The following VWC2L variants were observed in gnomAD, a reference collection of about 807,000 sequenced individuals.
The protein encoded by VWC2L is von Willebrand factor C domain-containing protein 2-like.
VWC2L carries 10 observed loss-of-function variants against 21.6 expected under a neutral mutation model. The ratio of observed to expected loss-of-function variants is 0.46; its 90% CI spans 0.29 to 0.78. VWC2L has a LOEUF of 0.78. VWC2L is among the 30% of genes least tolerant of loss of function. The pLI, the probability that VWC2L is intolerant of heterozygous loss-of-function variation, is 0.10. For missense variants in VWC2L, 209 were observed against 277.1 expected (o/e 0.75, Z 1.74); for synonymous variants, 96 against 94.3 (o/e 1.02, Z -0.10).
chr2:214,444,158 A>G lies in VWC2L; in HGVS notation c.520+7400A>G, dbSNP rs74811705. On this transcript the variant is annotated intron_variant, in intron 3 of 3. Coordinates refer to ENST00000312504, the MANE Select transcript of VWC2L (RefSeq NM_001080500.4). Reference sequence around the variant, plus strand: ...ACTACATATGAAAATTTGGTATGCAATGAAGTTGTACTTCAAATCAATGGG... The same window carrying G: ...ACTACATATGAAAATTTGGTATGCAGTGAAGTTGTACTTCAAATCAATGGG... 2.8e-3 allele frequency among the ~76,000 whole-genome samples: 426 copies of G among 152,242 alleles called. 2 individuals carry two copies. The highest frequency in any genetic ancestry group is 9.8e-3 in the African/African-American group (407 of 41,584).
intron 3 of VWC2L, among the ~76,000 whole-genome samples, chr2:214,502,575 C>CA (rs1375778985): frequency 1.6e-5 from 2 of 127,316 alleles, no homozygotes; most frequent in East Asian, 4.2e-4. Context: ...ACGTCAAAAA[C>CA]AAACAAAAAA....
chr2:214,428,954 G>A (rs555288495), intron 2 of VWC2L, among the ~76,000 whole-genome samples: 16 of 152,132 alleles, frequency 1.1e-4, no homozygotes, highest in African/African-American at 3.6e-4. Flanking sequence ...ATCCACACAC[G>A]TTTAGCAGGC....
intron 3 of VWC2L, among the ~76,000 whole-genome samples, chr2:214,452,574 C>T (rs1316712585): frequency 6.6e-6 from 1 of 151,964 alleles, no homozygotes; most frequent in African/African-American, 2.4e-5. Context: ...TAAACAGAAG[C>T]CTTCGTATGG....
rs758357273 is a variant in VWC2L at position 214,575,721 on chromosome 2, G to C, written c.570G>C (p.Val190=). Residue 190 remains valine (V), a synonymous_variant, in exon 4 of 4, where the codon GTG becomes GTC. Transcript: ENST00000312504. Reference sequence around the variant, plus strand: ...CGATAATTCCAGCTGGCATTGAAGTGAAAGTGGACGAATGTAACATCTGTC... The same window carrying C: ...CGATAATTCCAGCTGGCATTGAAGTCAAAGTGGACGAATGTAACATCTGTC... The part of the protein sequence containing the change: ...GTTIIPAGIE[V]KVDECNICHC... 3 of 1,613,404 alleles carry C rather than the reference G, an allele frequency of 1.9e-6. No individual in the cohort carries two copies. Among genetic ancestry groups the C allele is most frequent in the Non-Finnish European group, 2.5e-6 (3 of 1,179,526 alleles).
At chr2:214,544,224 T>C (rs187011326) in intron 3 of VWC2L, among the ~76,000 whole-genome samples, 4 of 152,252 alleles carry the variant, frequency 2.6e-5, no homozygotes, top group Admixed American at 2.0e-4. Context: ...TTCCTAGCAT[T>C]CTGAATTCTC....
At chr2:214,572,635 A>G (rs556312472) in intron 3 of VWC2L, among the ~76,000 whole-genome samples, 1 of 152,328 alleles carries the variant, frequency 6.6e-6, no homozygotes, top group African/African-American at 2.4e-5. Context: ...CACCACTATT[A>G]AGGAAGAAGG....
At chr2:214,479,847 A>T (rs1184255467) in intron 3 of VWC2L, among the ~76,000 whole-genome samples, 4 of 152,252 alleles carry the variant, frequency 2.6e-5, no homozygotes, top group South Asian at 4.1e-4. Flanking sequence ...ATCTAATAAG[A>T]TTGTATTAGT....
At chr2:214,432,610 G>A (rs935693992) in intron 2 of VWC2L, among the ~76,000 whole-genome samples, 7 of 152,032 alleles carry the variant, frequency 4.6e-5, no homozygotes, top group Non-Finnish European at 7.4e-5. Flanking sequence ...GATTTTAGTT[G>A]CCTAAACCAA....
At chr2:214,512,411 G>A (rs1262649925) in intron 3 of VWC2L, among the ~76,000 whole-genome samples, 1 of 152,106 alleles carries the variant, frequency 6.6e-6, no homozygotes. Flanking sequence ...TGGAGGGTGG[G>A]GAGTGGGAGG....
intron 3 of VWC2L, among the ~76,000 whole-genome samples, chr2:214,495,731 A>AT (rs1417394824): frequency 6.6e-6 from 1 of 152,090 alleles, no homozygotes. Context: ...TGAAAACACC[A>AT]TTTTTTCTAA....
At chr2:214,515,994 A>G (rs185336428) in intron 3 of VWC2L, among the ~76,000 whole-genome samples, 1 of 152,312 alleles carries the variant, frequency 6.6e-6, no homozygotes, top group East Asian at 1.9e-4. Context: ...CTAAGAATGA[A>G]TGAGAGCATC....
At chr2:214,514,298 A>C (rs979283050) in intron 3 of VWC2L, among the ~76,000 whole-genome samples, 1 of 152,120 alleles carries the variant, frequency 6.6e-6, no homozygotes, top group African/African-American at 2.4e-5. Context: ...GTGTAAAAGA[A>C]ACAGAAAAGC....
chr2:214,499,565 A>G (rs1489364210), intron 3 of VWC2L, among the ~76,000 whole-genome samples: 1 of 151,550 alleles, frequency 6.6e-6, no homozygotes, highest in Non-Finnish European at 1.5e-5. Context: ...TGATGAGTTA[A>G]TGGGTGCAGC....
intron 3 of VWC2L, among the ~76,000 whole-genome samples, chr2:214,555,350 A>G (rs1689858092): frequency 6.6e-6 from 1 of 152,190 alleles, no homozygotes; most frequent in South Asian, 2.1e-4. Context: ...GGCATATGTT[A>G]TCAGGACCTG....
intron 3 of VWC2L, among the ~76,000 whole-genome samples, chr2:214,532,948 C>A (rs935220333): frequency 2.2e-3 from 15 of 6,768 alleles, no homozygotes; most frequent in African/African-American, 3.7e-3. Context: ...GACAGGCTGA[C>A]TCCTGCATTT....
chr2:214,462,298 C>T (rs967142366), intron 3 of VWC2L, among the ~76,000 whole-genome samples: 23 of 152,188 alleles, frequency 1.5e-4, no homozygotes, highest in African/African-American at 5.1e-4. Context: ...GGAATGTGGG[C>T]CACTTGGGAT....
intron 3 of VWC2L, among the ~76,000 whole-genome samples, chr2:214,560,199 A>T (rs1467341257): frequency 6.6e-6 from 1 of 152,206 alleles, no homozygotes; most frequent in Non-Finnish European, 1.5e-5. Context: ...TACCAACGGC[A>T]TGTGTAATAA....
At chr2:214,561,809 T>TATATATATATATATATATATATATATAA (rs1489588765) in intron 3 of VWC2L, among the ~76,000 whole-genome samples, 1 of 127,246 alleles carries the variant, frequency 7.9e-6, no homozygotes, top group Admixed American at 7.4e-5. Context: ...TATATATATA[T>TATATATATATATATATATATATATATAA]ACACACACAT....
chr2:214,496,142 T>G (rs1306853387), intron 3 of VWC2L, among the ~76,000 whole-genome samples: 1 of 147,902 alleles, frequency 6.8e-6, no homozygotes, highest in Non-Finnish European at 1.5e-5. Context: ...CAAACCTGTA[T>G]AGTATAATAC....
Sources: gnomAD v4.1 joint callset for allele counts (sites outside exome capture counted in the v4.1 genomes callset) on GRCh38, gnomAD v4.1.1 for gene constraint, MANE v1.5 for transcripts, NCBI Gene and HGNC (gene_info 2026-07-23, HGNC 2026-07-21) for gene names.